The following SPAG6 variants were observed in gnomAD, a reference collection of about 807,000 sequenced individuals.
SPAG6 encodes the protein sperm-associated antigen 6.
In SPAG6, 49 loss-of-function variants were observed where a neutral mutation model predicts 58.5. The observed-to-expected ratio is 0.84, with a 90% CI of 0.67 to 1.06. The LOEUF (loss-of-function observed/expected upper bound fraction) is 1.06, where lower values mean the gene tolerates loss of function less well. SPAG6 is among the 50% of genes least tolerant of loss of function. The pLI, the probability that SPAG6 is intolerant of heterozygous loss-of-function variation, is 0.00. For synonymous variants in SPAG6, 233 were observed against 225.6 expected, an observed-to-expected ratio of 1.03 and a Z score of -0.29; for missense variants, 560 against 611.3, an observed-to-expected ratio of 0.92 and a Z score of 0.89.
intron 4 of SPAG6, among the ~76,000 whole-genome samples, chr10:22,378,055 C>CTT (rs776198268): frequency 5.0e-4 from 61 of 122,998 alleles, no homozygotes; most frequent in Non-Finnish European, 7.1e-4. Context: ...CTTTTCTTTT[C>CTT]TTTTTTTTTT....
intron 4 of SPAG6, among the ~76,000 whole-genome samples, chr10:22,384,573 A>C (rs1393141114): frequency 6.6e-6 from 1 of 152,210 alleles, no homozygotes; most frequent in Admixed American, 6.5e-5. Flanking sequence ...CTTCTAAGTA[A>C]AAAGTGTGCT....
At chr10:22,387,132 TTAGA>T (rs1834083570) in intron 5 of SPAG6, among the ~76,000 whole-genome samples, 173 bp downstream of exon 5, 1 of 152,142 alleles carries the variant, frequency 6.6e-6, no homozygotes, top group Non-Finnish European at 1.5e-5. Context: ...ACTGTAAGGA[TTAGA>T]TAAAGATGTG....
chr10:22,351,930 T>G (rs940268302), intron 2 of SPAG6, among the ~76,000 whole-genome samples: 1 of 152,180 alleles, frequency 6.6e-6, no homozygotes, highest in African/African-American at 2.4e-5. Context: ...CCCAGCACTT[T>G]GGGAGGCCGA....
chr10:22,384,043 C>T (rs1410166893), intron 4 of SPAG6, among the ~76,000 whole-genome samples: 1 of 152,190 alleles, frequency 6.6e-6, no homozygotes, highest in Non-Finnish European at 1.5e-5. Context: ...TTTAAATTCA[C>T]ATGACACAAA....
At chr10:22,353,121 T>A (rs759556824) in intron 2 of SPAG6, among the ~76,000 whole-genome samples, 7 of 152,214 alleles carry the variant, frequency 4.6e-5, no homozygotes, top group Non-Finnish European at 8.8e-5. Context: ...GTGAATAAAA[T>A]AAAACATTAA....
intron 8 of SPAG6, among the ~76,000 whole-genome samples, chr10:22,397,108 C>G (rs1261631308): frequency 6.6e-6 from 1 of 151,988 alleles, no homozygotes; most frequent in African/African-American, 2.4e-5. Flanking sequence ...CAGCCATAAA[C>G]AACCAATCAT....
chr10:22,360,737 G>A lies in SPAG6; in HGVS notation c.122-4116G>A, dbSNP rs1029285668. 5.4e-6 allele frequency: 7 copies of A among 1,306,560 alleles called. No homozygotes were observed. In the African/African-American group the frequency reaches 8.9e-5, roughly 17 times the overall value. The allele number at this position is 1,306,560 out of a possible 1,614,324, so 80.9% of individuals were successfully genotyped here. ...GGTCCTTCAAGTGAGCCCCAGTGATGTCGTTTGCTCCTTACTAGAGGCCTT... is the reference window on the plus strand; with the variant it reads ...GGTCCTTCAAGTGAGCCCCAGTGATATCGTTTGCTCCTTACTAGAGGCCTT... On this transcript the variant is annotated intron_variant, in intron 2 of 10. Transcript: ENST00000376624.
intron 3 of SPAG6, among the ~76,000 whole-genome samples, chr10:22,367,686 A>G (rs1215431361): frequency 6.6e-6 from 1 of 152,210 alleles, no homozygotes; most frequent in African/African-American, 2.4e-5. Context: ...TCACAGCCAC[A>G]TATTTCCTAT....
At chr10:22,389,117 AT>A in intron 6 of SPAG6, 42 bp from the exon 7 acceptor site, 1 of 1,585,972 alleles carries the variant, frequency 6.3e-7, no homozygotes. Flanking sequence ...TTTAAAGACC[AT>A]CATAGGGTCC....
At chr10:22,352,130 C>A (rs961603590) in intron 2 of SPAG6, among the ~76,000 whole-genome samples, 3 of 151,910 alleles carry the variant, frequency 2.0e-5, no homozygotes, top group Non-Finnish European at 1.5e-5. Flanking sequence ...CACTGTGCTC[C>A]AGCCTGGGCG....
At chr10:22,375,737 C>T (rs1194786281) in intron 4 of SPAG6, among the ~76,000 whole-genome samples, 4 of 151,916 alleles carry the variant, frequency 2.6e-5, no homozygotes, top group Non-Finnish European at 5.9e-5. Context: ...TGCCACCATG[C>T]CTGGCTAATT....
intron 10 of SPAG6, among the ~76,000 whole-genome samples, chr10:22,413,720 A>G (rs1834802117): frequency 7.2e-6 from 1 of 138,380 alleles, no homozygotes; most frequent in Admixed American, 6.8e-5. Flanking sequence ...TCACCCACAC[A>G]GGGCAAGTAG....
At chr10:22,360,769 C>T in intron 2 of SPAG6, 1 of 1,523,506 alleles carries the variant, frequency 6.6e-7, no homozygotes, top group Non-Finnish European at 8.8e-7. Flanking sequence ...CCTTGTTTAT[C>T]AGATATTGTG....
At chr10:22,410,562 A>G (rs911291048) in intron 9 of SPAG6, among the ~76,000 whole-genome samples, 30 of 151,800 alleles carry the variant, frequency 2.0e-4, no homozygotes, top group Non-Finnish European at 4.0e-4. Flanking sequence ...GGAGTGTGGA[A>G]AGCCATTTTA....
intron 8 of SPAG6, among the ~76,000 whole-genome samples, chr10:22,394,476 A>G (rs1233977379): frequency 6.6e-6 from 1 of 152,190 alleles, no homozygotes; most frequent in South Asian, 2.1e-4. Context: ...TATAGTTCAC[A>G]TGCCATACCT....
intron 4 of SPAG6, among the ~76,000 whole-genome samples, chr10:22,372,208 G>T (rs1588647936): frequency 1.3e-5 from 2 of 152,018 alleles, no homozygotes; most frequent in East Asian, 3.9e-4. Context: ...AGCTATTGTT[G>T]TTAATCTCTT....
chr10:22,352,880 A>T (rs922987753), intron 2 of SPAG6, among the ~76,000 whole-genome samples: 1 of 152,166 alleles, frequency 6.6e-6, no homozygotes, highest in Admixed American at 6.5e-5. Context: ...AATTTCAGGA[A>T]AAAAAAGTTC....
intron 3 of SPAG6, among the ~76,000 whole-genome samples, chr10:22,368,274 A>T (rs1230991532): frequency 6.6e-6 from 1 of 152,226 alleles, no homozygotes; most frequent in Non-Finnish European, 1.5e-5. Context: ...TTGAAATACA[A>T]TGTAAAACCT....
chr10:22,386,690 GA>G, intron 4 of SPAG6, 63 bp from the exon 5 acceptor site: 3 of 1,286,532 alleles, frequency 2.3e-6, no homozygotes, highest in Non-Finnish European at 3.4e-6. Context: ...CTGTCAGGGT[GA>G]AAAATGGCTT....
Sources: gnomAD v4.1 joint callset for allele counts (sites outside exome capture counted in the v4.1 genomes callset) on GRCh38, gnomAD v4.1.1 for gene constraint, MANE v1.5 for transcripts, NCBI Gene and HGNC (gene_info 2026-07-23, HGNC 2026-07-21) for gene names.